Variants in FER observed in about 807,000 individuals in gnomAD.
FER encodes the protein tyrosine-protein kinase Fer.
In FER, 63 loss-of-function variants were observed where a neutral mutation model predicts 111.0. The observed-to-expected ratio is 0.57, with a 90% CI of 0.46 to 0.70. The LOEUF is 0.70. Ranked by LOEUF, FER falls within the 30% of genes least tolerant of loss-of-function variation. The probability of loss-of-function intolerance (pLI) is 0.00; values close to 1 mark genes in which losing one functional copy is unlikely to be tolerated. For synonymous variants in FER, 327 were observed against 313.9 expected (o/e 1.04, Z -0.44); for missense variants, 914 against 954.0 (o/e 0.96, Z 0.55).
intron 17 of FER, among the ~76,000 whole-genome samples, chr5:109,151,689 C>G (rs529256177): frequency 6.6e-6 from 1 of 152,190 alleles, no homozygotes; most frequent in Non-Finnish European, 1.5e-5. Context: ...GACCTGCGGT[C>G]AAAGCATAAT....
At chr5:109,003,961 C>T (rs1057372353) in intron 13 of FER, among the ~76,000 whole-genome samples, 7 of 152,178 alleles carry the variant, frequency 4.6e-5, no homozygotes, top group East Asian at 3.8e-4. Context: ...GCCTGGGCGA[C>T]GGTGTAAGAC....
rs781257398 is a variant in FER at position 108,954,735 on chromosome 5, G to A, written c.1336G>A (p.Asp446Asn). Residue 446 changes from aspartate to asparagine, a missense_variant, in exon 12 of 20, where the codon GAT becomes AAT. Asp to Asn is a conservative substitution (Grantham distance 23). Transcript: ENST00000281092. The stretch of plus-strand genomic sequence containing the variant: ...TTTTTAATATTTGTTTAAGCTTTCT[G>A]ATATGATCTCCATCAGTGAGAAGCC... ...KSALGSSALSDMISISEKPLA... is the reference protein window; with the variant it reads ...KSALGSSALSNMISISEKPLA... The A allele has an allele frequency of 3.9e-6, 6 of 1,558,152 alleles. No individual in the cohort carries two copies. In the East Asian group the frequency reaches 6.9e-5, roughly 18 times the overall value.
intron 16 of FER, among the ~76,000 whole-genome samples, chr5:109,100,122 T>C (rs1748046792): frequency 6.6e-6 from 1 of 151,804 alleles, no homozygotes; most frequent in South Asian, 2.1e-4. Context: ...GGAAAAAGTA[T>C]GATTTTTGTA....
chr5:108,810,192 C>T (rs568930048), intron 3 of FER, among the ~76,000 whole-genome samples: 12 of 152,214 alleles, frequency 7.9e-5, no homozygotes, highest in South Asian at 2.1e-4. Flanking sequence ...TATGGACTTC[C>T]GTTGGCAGGT....
chr5:108,842,717 G>A (rs151209210), intron 5 of FER: 1 of 152,208 alleles, frequency 6.6e-6, no homozygotes, highest in Non-Finnish European at 1.5e-5. Context: ...CTGCAAGAAT[G>A]GCCATAATAC....
intron 2 of FER, among the ~76,000 whole-genome samples, chr5:108,786,682 A>C (rs1228706493): frequency 6.6e-6 from 1 of 151,988 alleles, no homozygotes; most frequent in East Asian, 1.9e-4. Context: ...TTGTATGTTT[A>C]GTGGAGACAG....
chr5:108,930,337 C>G (rs1219751106), intron 10 of FER, among the ~76,000 whole-genome samples: 1 of 51,160 alleles, frequency 2.0e-5, no homozygotes, highest in Non-Finnish European at 4.3e-5. Flanking sequence ...TTCTTATCCC[C>G]TCCCCTCCCC....
rs767057093 is a variant in FER at position 108,798,356 on chromosome 5, T to C, written c.174T>C (p.Thr58=). Residue 58 remains threonine (T), a synonymous_variant, in exon 3 of 20, where the codon ACT becomes ACC. Transcript: ENST00000281092. The stretch of plus-strand genomic sequence containing the variant: ...GTAATCAAGTTGATAAGGAAAGTAC[T>C]GTCCAAATGAATTATGTCAGCAACG... ...NLCNQVDKES[T]VQMNYVSNVS... 1.1e-5 allele frequency: 18 copies of C among 1,613,612 alleles called. No individual in the cohort carries two copies. Among genetic ancestry groups the C allele is most frequent in the East Asian group, 8.9e-5 (4 of 44,860 alleles).
At chr5:108,925,123 A>T (rs1242609726) in intron 10 of FER, among the ~76,000 whole-genome samples, 1 of 150,952 alleles carries the variant, frequency 6.6e-6, no homozygotes, top group Non-Finnish European at 1.5e-5. Flanking sequence ...TGAATATTTG[A>T]GGAGAAACAT....
At chr5:109,096,691 A>G (rs1204144987) in intron 16 of FER, among the ~76,000 whole-genome samples, 1 of 151,708 alleles carries the variant, frequency 6.6e-6, no homozygotes, top group Non-Finnish European at 1.5e-5. Context: ...TTCCTGAACC[A>G]ATCACTTGGG....
intron 16 of FER, among the ~76,000 whole-genome samples, chr5:109,063,931 G>T (rs1007541811): frequency 6.6e-6 from 1 of 151,902 alleles, no homozygotes; most frequent in African/African-American, 2.4e-5. Context: ...CATTTTTATT[G>T]TATAATTCAA....
Position 108,959,158 on chromosome 5 carries a change from A to G in FER, c.1534-67A>G, listed in dbSNP as rs558898143. ...TTTTTTTAAGAAAGGAATCTAATTTATCAATGAATGTAGATTTTCTAAAGC... is the reference window on the plus strand; with the variant it reads ...TTTTTTTAAGAAAGGAATCTAATTTGTCAATGAATGTAGATTTTCTAAAGC... On this transcript the variant is annotated intron_variant, in intron 12 of 19. Coordinates refer to ENST00000281092, the MANE Select transcript of FER (RefSeq NM_005246.4). 72 of 1,511,238 alleles carry G rather than the reference A, an allele frequency of 4.8e-5. 1 individual carries two copies. In the African/African-American group the frequency reaches 7.5e-4, roughly 16 times the overall value. 93.6% of individuals were successfully genotyped at this position (1,511,238 alleles called of 1,614,324 possible). A position where few individuals can be genotyped will look rare whatever the true frequency, so the allele number is the denominator to read the frequency against.
At position 109,094,203 on chromosome 5, in the gene FER, C is replaced by T. The variant is rs150215913; in HGVS notation, c.1925-6193C>T. ...TTTTTTTTTGAGAATTAAGAAATAA[C>T]AGTACTATTGAACTCTGGTGCTACA... On this transcript the variant is annotated intron_variant, in intron 16 of 19. Coordinates refer to ENST00000281092, the MANE Select transcript of FER (RefSeq NM_005246.4). Among the ~76,000 whole-genome samples, 719 of 147,928 alleles carry T rather than the reference C, an allele frequency of 4.9e-3. 6 individuals carry two copies. Among genetic ancestry groups the T allele is most frequent in the African/African-American group, 0.017 (686 of 40,198 alleles).
chr5:108,866,890 T>G (rs1190352118), intron 5 of FER, among the ~76,000 whole-genome samples: 6 of 152,198 alleles, frequency 3.9e-5, no homozygotes, highest in Non-Finnish European at 1.5e-5. Context: ...AATCTGTAAA[T>G]GTTTTCTAAA....
intron 16 of FER, among the ~76,000 whole-genome samples, chr5:109,063,131 A>T (rs918839693): frequency 6.6e-6 from 1 of 152,164 alleles, no homozygotes; most frequent in African/African-American, 2.4e-5. Context: ...TGTCTTTAAG[A>T]TTTCCATATA....
intron 17 of FER, among the ~76,000 whole-genome samples, chr5:109,126,140 C>G (rs1386630902): frequency 6.6e-6 from 1 of 152,066 alleles, no homozygotes; most frequent in African/African-American, 2.4e-5. Flanking sequence ...AATTGTAGTT[C>G]TTAGCTGTAA....
At chr5:109,091,525 C>T (rs1052112872) in intron 16 of FER, among the ~76,000 whole-genome samples, 3 of 152,184 alleles carry the variant, frequency 2.0e-5, no homozygotes, top group Admixed American at 1.3e-4. Context: ...CCACAGAGAG[C>T]CCCGACTAGA....
chr5:108,760,656 G>C (rs1751629651), intron 1 of FER, among the ~76,000 whole-genome samples: 2 of 152,156 alleles, frequency 1.3e-5, no homozygotes, highest in Admixed American at 1.3e-4. Flanking sequence ...TTTCAGAGTT[G>C]TCTTCTGAAG....
chr5:108,846,852 A>G (rs965324206), intron 5 of FER, among the ~76,000 whole-genome samples: 1 of 151,836 alleles, frequency 6.6e-6, no homozygotes, highest in African/African-American at 2.4e-5. Context: ...CCACCTTTTT[A>G]TATTTATAGA....
Sources: allele counts gnomAD v4.1 joint callset (sites outside exome capture counted in the v4.1 genomes callset), GRCh38; gene constraint gnomAD v4.1.1; transcripts MANE v1.5; gene names NCBI Gene and HGNC (gene_info 2026-07-23, HGNC 2026-07-21).